EHHADH: variants seen among roughly 807,000 people sequenced by gnomAD.
EHHADH encodes peroxisomal bifunctional enzyme.
In EHHADH, 48 loss-of-function variants were observed where a neutral mutation model predicts 64.4. That is an observed-to-expected ratio of 0.75 (90% CI 0.59 to 0.95). The LOEUF is 0.95. EHHADH is among the 40% of genes least tolerant of loss of function. EHHADH has a pLI of 0.00. For missense variants in EHHADH, 854 were observed against 876.6 expected (o/e 0.97, Z 0.33); for synonymous variants, 308 against 326.7 (o/e 0.94, Z 0.62).
Position 185,193,401 on chromosome 3 carries a change from G to C in EHHADH, c.997C>G (p.Leu333Val). The change falls in exon 7 of 7, where the codon CTA (leucine) becomes GTA (valine). Residue 333 changes from leucine (L) to valine (V), a missense_variant. Transcript: ENST00000231887. ...GTTATCATCTTGTTTGCAGTTGCTA[G>C]CTGGTTTTTGTCCGAGTCTACAGCA... ...VIAVDSDKNQ[L>V]ATANKMITSV... 6.2e-7 allele frequency: 1 copy of C among 1,614,210 alleles called. No individual in the cohort carries two copies. Among genetic ancestry groups the C allele is most frequent in the Non-Finnish European group, 8.5e-7 (1 of 1,180,032 alleles).
intron 4 of EHHADH, among the ~76,000 whole-genome samples, chr3:185,221,869 C>A (rs1247903787): frequency 6.6e-6 from 1 of 151,814 alleles, no homozygotes; most frequent in Non-Finnish European, 1.5e-5. Flanking sequence ...CCACCGTGCC[C>A]GGCCCGCCTC....
At chr3:185,236,972 T>G (rs183462085) in intron 2 of EHHADH, among the ~76,000 whole-genome samples, 27 of 152,316 alleles carry the variant, frequency 1.8e-4, no homozygotes, top group African/African-American at 6.5e-4. Context: ...AGTTAATGCT[T>G]TGAGACAAGT....
intron 6 of EHHADH, among the ~76,000 whole-genome samples, chr3:185,200,147 C>A: frequency 6.6e-6 from 1 of 152,186 alleles, no homozygotes; most frequent in East Asian, 1.9e-4. Flanking sequence ...TTACCTGTTA[C>A]AGTGGCAGAT....
chr3:185,222,102 G>A (rs929267281), intron 4 of EHHADH, among the ~76,000 whole-genome samples: 6 of 152,006 alleles, frequency 3.9e-5, no homozygotes, highest in East Asian at 1.9e-4. Context: ...TCACAAGGCC[G>A]GATGTGGTGG....
At chr3:185,220,934 TG>T (rs1718816548) in intron 4 of EHHADH, among the ~76,000 whole-genome samples, 1 of 152,216 alleles carries the variant, frequency 6.6e-6, no homozygotes, top group South Asian at 2.1e-4. Context: ...AAAAGACAGG[TG>T]TATAATTCTA....
intron 4 of EHHADH, among the ~76,000 whole-genome samples, chr3:185,228,279 TGGAG>T (rs1719054497): frequency 3.8e-4 from 9 of 23,598 alleles, no homozygotes; most frequent in African/African-American, 5.8e-4. Context: ...TATATATATA[TGGAG>T]AGAGAGAGAG....
chr3:185,193,594 T>A, intron 6 of EHHADH, 107 bp from the exon 7 acceptor site: 1 of 1,305,216 alleles, frequency 7.7e-7, no homozygotes, highest in African/African-American at 1.5e-5. Flanking sequence ...TTTAAAGAGA[T>A]TGAGTCAAGA....
At chr3:185,194,648 A>AAC (rs1560005171) in intron 6 of EHHADH, among the ~76,000 whole-genome samples, 138 of 141,172 alleles carry the variant, frequency 9.8e-4, no homozygotes, top group Middle Eastern at 7.2e-3. Flanking sequence ...ACAACAACAA[A>AAC]AATTAGCCAG....
Position 185,191,147 on chromosome 3 carries a change from AG to A in EHHADH, c.*1078del, listed in dbSNP as rs1159764320. ...TACGGAAAGTATTTTTTGTAGAGACAGGGTTTTGCTATGTTGCCCAGGCTGG... is the reference window on the plus strand; with the variant it reads ...TACGGAAAGTATTTTTTGTAGAGACAGGTTTTGCTATGTTGCCCAGGCTGG... On this transcript the variant is annotated 3_prime_UTR_variant, in exon 7 of 7. Coordinates refer to ENST00000231887, the MANE Select transcript of EHHADH (RefSeq NM_001966.4). 1.3e-5 allele frequency: 2 copies of A among 152,228 alleles called. No individual in the cohort carries two copies. The highest frequency in any genetic ancestry group is 4.8e-5 in the African/African-American group (2 of 41,440). 9.4% of individuals were successfully genotyped at this position (152,228 alleles called of 1,614,324 possible).
chr3:185,212,833 A>G (rs189417642), intron 5 of EHHADH, among the ~76,000 whole-genome samples: 104 of 152,236 alleles, frequency 6.8e-4, no homozygotes, highest in Middle Eastern at 3.4e-3. Flanking sequence ...CTTTAAGACT[A>G]TAGCAGCTGG....
chr3:185,251,606 ATATGTG>A (rs1329750129), intron 1 of EHHADH, among the ~76,000 whole-genome samples: 20 of 71,876 alleles, frequency 2.8e-4, no homozygotes, highest in South Asian at 2.7e-3. Flanking sequence ...GAAAAAATTT[ATATGTG>A]TGTGTGTGTG....
At chr3:185,245,681 C>G in intron 2 of EHHADH, 1 of 714,034 alleles carries the variant, frequency 1.4e-6, no homozygotes, top group East Asian at 2.5e-5. Flanking sequence ...TTGGAATCTT[C>G]CTTTACAAGT....
At position 185,193,388 on chromosome 3, in the gene EHHADH, T is replaced by G. The variant is rs887631331; in HGVS notation, c.1010A>C (p.Asn337Thr). 1.9e-6 allele frequency: 3 copies of G among 1,614,086 alleles called. No individual in the cohort carries two copies. Among genetic ancestry groups the G allele is most frequent in the African/African-American group, 1.3e-5 (1 of 74,936 alleles). ...DSDKNQLATA[N>T]KMITSVLEKE... ...TTCCAAGACAGAGGTTATCATCTTGTTTGCAGTTGCTAGCTGGTTTTTGTC... is the reference window on the plus strand; with the variant it reads ...TTCCAAGACAGAGGTTATCATCTTGGTTGCAGTTGCTAGCTGGTTTTTGTC... The change falls in exon 7 of 7, where the codon AAC (asparagine) becomes ACC (threonine). Residue 337 changes from asparagine to threonine, a missense_variant. Physicochemically the swap from Asn to Thr is moderately conservative, Grantham distance 65 (BLOSUM62 0). Coordinates refer to ENST00000231887, the MANE Select transcript of EHHADH (RefSeq NM_001966.4).
At chr3:185,212,420 G>C (rs1718564895) in intron 5 of EHHADH, among the ~76,000 whole-genome samples, 1 of 152,188 alleles carries the variant, frequency 6.6e-6, no homozygotes, top group Admixed American at 6.5e-5. Context: ...TGCGTTTTAG[G>C]TATGTTAACC....
rs1719120665 is a variant in EHHADH at position 185,230,416 on chromosome 3, C to A, written c.352-873G>T. Among the ~76,000 whole-genome samples the A allele has an allele frequency of 2.6e-5, 4 of 152,242 alleles. No individual in the cohort carries two copies. The South Asian group carries it at 8.3e-4, about 32-fold the overall frequency. ...ATAAAAGCCAAAAAAGTAGAAGCAACCCAAATGTCCATCAATGATTAGTGG... is the reference window on the plus strand; with the variant it reads ...ATAAAAGCCAAAAAAGTAGAAGCAAACCAAATGTCCATCAATGATTAGTGG... On this transcript the variant is annotated intron_variant, in intron 3 of 6. Transcript: ENST00000231887.
At chr3:185,244,483 G>A (rs1719542191) in intron 2 of EHHADH, among the ~76,000 whole-genome samples, 1 of 152,046 alleles carries the variant, frequency 6.6e-6, no homozygotes, top group South Asian at 2.1e-4. Flanking sequence ...TACTGTCCTT[G>A]TCAGGTGTTA....
rs535168337 is a variant in EHHADH, at chr3:185,207,641, A to G, written c.569-2884T>C. 2.6e-4 allele frequency among the ~76,000 whole-genome samples: 40 copies of G among 152,336 alleles called. 1 individual carries two copies. The South Asian group carries it at 8.3e-3, about 32-fold the overall frequency. On this transcript the variant is annotated intron_variant, in intron 5 of 6. Transcript: ENST00000231887. The stretch of plus-strand genomic sequence containing the variant: ...TCTGCCAACAACCCAAATAAGCAGG[A>G]AACAGTTTCTCCCCTAGAGCCTCCA...
intron 6 of EHHADH, among the ~76,000 whole-genome samples, chr3:185,201,875 C>A (rs138845666): frequency 2.6e-5 from 4 of 152,306 alleles, no homozygotes; most frequent in African/African-American, 9.6e-5. Flanking sequence ...ATACACTTAC[C>A]AGCTTGCTAT....
chr3:185,243,669 A>G (rs1187563613), intron 2 of EHHADH, among the ~76,000 whole-genome samples: 2 of 152,118 alleles, frequency 1.3e-5, no homozygotes, highest in Non-Finnish European at 2.9e-5. Flanking sequence ...ACTGATTTCT[A>G]CTTTTATTCC....
Sources: gnomAD v4.1 joint callset for allele counts (sites outside exome capture counted in the v4.1 genomes callset) on GRCh38, gnomAD v4.1.1 for gene constraint, MANE v1.5 for transcripts, NCBI Gene and HGNC (gene_info 2026-07-23, HGNC 2026-07-21) for gene names.